GPHN: variants seen among roughly 807,000 people sequenced by gnomAD.
GPHN encodes the protein gephyrin.
Under a neutral mutation model 95.5 loss-of-function variants are expected in GPHN, and 17 were observed. The ratio of observed to expected loss-of-function variants is 0.18; its 90% CI spans 0.12 to 0.27. The LOEUF (loss-of-function observed/expected upper bound fraction) is 0.27. Among genes scored for constraint, GPHN ranks in the 10% least tolerant of loss-of-function variants. The pLI, the probability that GPHN is intolerant of heterozygous loss-of-function variation, is 1.00. For synonymous variants in GPHN, 320 were observed against 322.5 expected, an observed-to-expected ratio of 0.99 and a Z score of 0.08; for missense variants, 660 against 978.1, an observed-to-expected ratio of 0.67 and a Z score of 4.34.
chr14:67,544,790 G>A, the GPHN span, among the ~76,000 whole-genome samples: 1 of 152,336 alleles, frequency 6.6e-6, no homozygotes, highest in South Asian at 2.1e-4. Flanking sequence ...AGACTTAATG[G>A]ACAGGAAGAC....
At chr14:66,560,891 C>G (rs1221417216) in intron 1 of GPHN, among the ~76,000 whole-genome samples, 1 of 152,072 alleles carries the variant, frequency 6.6e-6, no homozygotes, top group Non-Finnish European at 1.5e-5. Flanking sequence ...TCATAGATAG[C>G]TCTTATTATT....
chr14:66,800,695 A>T lies in GPHN; in HGVS notation c.202-23779A>T, dbSNP rs964795434. Among the ~76,000 whole-genome samples the T allele has an allele frequency of 3.9e-4, 60 of 152,078 alleles. 2 individuals carry two copies. The highest frequency in any genetic ancestry group is 1.5e-5 in the Non-Finnish European group (1 of 68,006). The stretch of plus-strand genomic sequence containing the variant: ...ATAATCTTAGGGTTCAATCTGCTTG[A>T]TGTTCTATACCACTCTTCTACAATG... On this transcript the variant is annotated intron_variant, in intron 3 of 22. Coordinates refer to ENST00000478722, the MANE Select transcript of GPHN (RefSeq NM_020806.5).
chr14:67,531,074 C>G, the GPHN span, among the ~76,000 whole-genome samples: 1 of 152,152 alleles, frequency 6.6e-6, no homozygotes, highest in Non-Finnish European at 1.5e-5. Context: ...CTCTCTGTTC[C>G]ATCCTCCATT....
chr14:66,565,792 T>C (rs2060438748), intron 1 of GPHN, among the ~76,000 whole-genome samples: 2 of 152,172 alleles, frequency 1.3e-5, no homozygotes, highest in African/African-American at 4.8e-5. Flanking sequence ...CTAACAGATA[T>C]TAACTTACTT....
At chr14:67,056,070 G>T (rs528305778) in intron 10 of GPHN, among the ~76,000 whole-genome samples, 1 of 152,352 alleles carries the variant, frequency 6.6e-6, no homozygotes, top group East Asian at 1.9e-4. Flanking sequence ...TGTGAAGAGT[G>T]AAAGAACAAA....
the GPHN span, among the ~76,000 whole-genome samples, chr14:67,409,627 G>A: frequency 6.6e-6 from 1 of 152,076 alleles, no homozygotes; most frequent in Non-Finnish European, 1.5e-5. Flanking sequence ...GGCCCAGTGA[G>A]CTCCTTGCAT....
intron 1 of GPHN, among the ~76,000 whole-genome samples, chr14:66,610,693 G>A (rs1211278188): frequency 6.6e-6 from 1 of 152,116 alleles, no homozygotes; most frequent in African/African-American, 2.4e-5. Flanking sequence ...GGGTCATTGC[G>A]ATAGATGTAA....
chr14:66,654,597 G>A (rs1489158748), intron 1 of GPHN, among the ~76,000 whole-genome samples: 5 of 151,942 alleles, frequency 3.3e-5, no homozygotes, highest in Non-Finnish European at 5.9e-5. Context: ...TTCTTGTTTC[G>A]TAGCCTCTTC....
chr14:66,669,635 A>G (rs1384541158), intron 1 of GPHN, among the ~76,000 whole-genome samples: 2 of 151,764 alleles, frequency 1.3e-5, no homozygotes, highest in African/African-American at 4.8e-5. Flanking sequence ...CTTCTTTTCC[A>G]GATTGGATGA....
chr14:66,825,865 G>T (rs1380204020), intron 4 of GPHN, among the ~76,000 whole-genome samples: 2 of 152,134 alleles, frequency 1.3e-5, no homozygotes, highest in Non-Finnish European at 2.9e-5. Context: ...CTTTGGCAAA[G>T]TTTTACATTT....
At chr14:67,652,974 TAG>T in the GPHN span, among the ~76,000 whole-genome samples, 1 of 152,102 alleles carries the variant, frequency 6.6e-6, no homozygotes, top group African/African-American at 2.4e-5. Flanking sequence ...GTATTTTTAG[TAG>T]AGACGGGTTT....
the GPHN span, among the ~76,000 whole-genome samples, chr14:67,636,576 G>A: frequency 6.6e-6 from 1 of 152,220 alleles, no homozygotes; most frequent in Non-Finnish European, 1.5e-5. Flanking sequence ...GCTAAGGTCA[G>A]GTAAGGCTGT....
intron 1 of GPHN, among the ~76,000 whole-genome samples, chr14:66,554,466 C>T (rs1172030781): frequency 1.3e-5 from 2 of 152,152 alleles, no homozygotes; most frequent in Non-Finnish European, 2.9e-5. Flanking sequence ...AACTTATAAT[C>T]GTGGCGGAAG....
chr14:67,320,360 G>A, the GPHN span: 1 of 1,611,310 alleles, frequency 6.2e-7, no homozygotes, highest in Non-Finnish European at 8.5e-7. Flanking sequence ...AGAGGCTCAT[G>A]AACAAAGAAA....
At chr14:66,697,573 T>C (rs1018584121) in intron 2 of GPHN, among the ~76,000 whole-genome samples, 1 of 152,172 alleles carries the variant, frequency 6.6e-6, no homozygotes, top group Non-Finnish European at 1.5e-5. Flanking sequence ...TTCATTCTTA[T>C]ATTGGATAGA....
intron 17 of GPHN, among the ~76,000 whole-genome samples, chr14:67,137,356 A>C (rs1337748163): frequency 6.6e-6 from 1 of 151,812 alleles, no homozygotes. Context: ...CATGTTAACC[A>C]GAATGGTCCC....
the GPHN span, chr14:67,388,108 C>G: frequency 3.0e-6 from 2 of 670,940 alleles, no homozygotes; most frequent in East Asian, 5.4e-5. Flanking sequence ...ACCACTCTGT[C>G]TCATGGAGAA....
intron 2 of GPHN, chr14:66,760,947 A>G: frequency 1.3e-6 from 1 of 741,518 alleles, no homozygotes; most frequent in Middle Eastern, 3.6e-4. Context: ...TTTTGCAGGC[A>G]AAGGGAAGCA....
intron 1 of GPHN, among the ~76,000 whole-genome samples, chr14:66,551,769 C>A (rs2059819830): frequency 6.6e-6 from 1 of 152,082 alleles, no homozygotes; most frequent in Non-Finnish European, 1.5e-5. Context: ...ATGGCCAGAG[C>A]AGGAGGAAGA....
Sources: gnomAD v4.1 joint callset for allele counts (sites outside exome capture counted in the v4.1 genomes callset) on GRCh38, gnomAD v4.1.1 for gene constraint, MANE v1.5 for transcripts, NCBI Gene and HGNC (gene_info 2026-07-23, HGNC 2026-07-21) for gene names.